MMP16: variants seen among roughly 807,000 people sequenced by gnomAD.
The protein encoded by MMP16 is matrix metallopeptidase 16, also known as matrix metalloproteinase-16.
Under a neutral mutation model 67.8 loss-of-function variants are expected in MMP16, and 12 were observed. That is an observed-to-expected ratio of 0.18 (90% CI 0.11 to 0.29). The LOEUF is 0.29. MMP16 is among the 10% of genes least tolerant of loss of function. The probability of loss-of-function intolerance (pLI) is 1.00; values close to 1 mark genes in which losing one functional copy is unlikely to be tolerated. For synonymous variants in MMP16, 249 were observed against 255.9 expected (o/e 0.97, Z 0.26); for missense variants, 475 against 765.7 (o/e 0.62, Z 4.48).
intron 4 of MMP16, among the ~76,000 whole-genome samples, chr8:88,162,598 C>T (rs1808647149): frequency 6.6e-6 from 1 of 152,006 alleles, no homozygotes; most frequent in African/African-American, 2.4e-5. Flanking sequence ...GTGGTACTGA[C>T]TGATAGGCAT....
intron 2 of MMP16, among the ~76,000 whole-genome samples, chr8:88,191,275 A>G (rs1161598149): frequency 6.6e-6 from 1 of 152,134 alleles, no homozygotes; most frequent in Non-Finnish European, 1.5e-5. Context: ...TTCTTTTTAT[A>G]CTTCGGTTTC....
Position 88,036,964 on chromosome 8 carries a change from TA to T in MMP16, c.*4496del, listed in dbSNP as rs942204276. ...TTTCTGGAAATGATTCCAAAAACTT[TA>T]AAATATATATTTTTTCATGACTCAG... is the stretch of plus-strand genomic sequence containing the variant. On this transcript the variant is annotated 3_prime_UTR_variant, in exon 10 of 10. Coordinates refer to ENST00000286614, the MANE Select transcript of MMP16 (RefSeq NM_005941.5). The T allele has an allele frequency of 4.0e-5, 6 of 151,626 alleles. No homozygotes were observed. The highest frequency in any genetic ancestry group is 1.5e-4 in the African/African-American group (6 of 41,342). 9.4% of individuals were successfully genotyped at this position (151,626 alleles called of 1,614,324 possible).
chr8:88,037,335 G>A lies in MMP16; in HGVS notation c.*4126C>T, dbSNP rs1191319823. The A allele has an allele frequency of 6.6e-6, 1 of 151,246 alleles. No homozygotes were observed. Among genetic ancestry groups the A allele is most frequent in the Non-Finnish European group, 1.5e-5 (1 of 67,696 alleles). 9.4% of individuals were successfully genotyped at this position (151,246 alleles called of 1,614,324 possible). A position where few individuals can be genotyped will look rare whatever the true frequency, so the allele number is the denominator to read the frequency against. On this transcript the variant is annotated 3_prime_UTR_variant, in exon 10 of 10. Transcript: ENST00000286614. ...TATGTGTTAACAAAAAAAGATTATA[G>A]GTAATTATTAAAGGTAACACTTGCT...
intron 6 of MMP16, among the ~76,000 whole-genome samples, chr8:88,110,398 C>T (rs1809313959): frequency 6.6e-6 from 1 of 151,516 alleles, no homozygotes; most frequent in South Asian, 2.1e-4. Flanking sequence ...TCCAGTTGCT[C>T]CCTAAAATGT....
chr8:88,131,268 T>TAC (rs111863181), intron 4 of MMP16, among the ~76,000 whole-genome samples: 60,138 of 146,778 alleles, frequency 0.41, 12,215 homozygotes, highest in East Asian at 0.47. Context: ...TATAGTATTA[T>TAC]ACACACACAC....
At chr8:88,274,615 T>C (rs1053079774) in intron 1 of MMP16, among the ~76,000 whole-genome samples, 1 of 151,972 alleles carries the variant, frequency 6.6e-6, no homozygotes, top group Non-Finnish European at 1.5e-5. Flanking sequence ...AAAGTTCAAC[T>C]AAAAAGAGAT....
chr8:88,183,080 T>C lies in MMP16; in HGVS notation c.404+3396A>G, dbSNP rs1809007332. ...GAAGAGGAGAGAAGGGATAAATAGG[T>C]GAAACACTGAATTTTTAGGGAAGGA... On this transcript the variant is annotated intron_variant, in intron 3 of 9. Coordinates refer to ENST00000286614, the MANE Select transcript of MMP16 (RefSeq NM_005941.5). Among the ~76,000 whole-genome samples, 6 of 151,814 alleles carry C rather than the reference T, an allele frequency of 4.0e-5. No individual in the cohort carries two copies. In the South Asian group the frequency reaches 1.2e-3, roughly 32 times the overall value.
intron 6 of MMP16, among the ~76,000 whole-genome samples, chr8:88,083,205 C>CCCAA (rs1808782224): frequency 6.6e-6 from 1 of 151,920 alleles, no homozygotes; most frequent in Admixed American, 6.6e-5. Context: ...TAAACACATA[C>CCCAA]ACAAACAGAA....
At chr8:88,153,111 C>T (rs1015384493) in intron 4 of MMP16, among the ~76,000 whole-genome samples, 93 of 140,172 alleles carry the variant, frequency 6.6e-4, no homozygotes, top group African/African-American at 2.3e-3. Context: ...AACTCCCATT[C>T]ACAATTGCTT....
intron 7 of MMP16, among the ~76,000 whole-genome samples, chr8:88,064,345 A>G (rs909347075): frequency 2.0e-5 from 3 of 152,140 alleles, no homozygotes; most frequent in Non-Finnish European, 4.4e-5. Context: ...ATATTCTTTG[A>G]GAAAACATCA....
At chr8:88,269,565 T>G (rs889916536) in intron 1 of MMP16, among the ~76,000 whole-genome samples, 2 of 152,194 alleles carry the variant, frequency 1.3e-5, no homozygotes, top group Non-Finnish European at 2.9e-5. Flanking sequence ...GATGGCTAGC[T>G]GGAATGCGTC....
intron 6 of MMP16, among the ~76,000 whole-genome samples, chr8:88,098,798 T>C (rs1809079365): frequency 6.6e-6 from 1 of 151,876 alleles, no homozygotes; most frequent in Non-Finnish European, 1.5e-5. Flanking sequence ...TGTAAGTATG[T>C]AAGAAAAGCC....
intron 6 of MMP16, among the ~76,000 whole-genome samples, chr8:88,077,641 G>C (rs967285730): frequency 6.6e-6 from 1 of 152,038 alleles, no homozygotes; most frequent in Non-Finnish European, 1.5e-5. Flanking sequence ...ACACATAATA[G>C]GTGCACAATA....
chr8:88,146,520 T>C (rs192126591), intron 4 of MMP16, among the ~76,000 whole-genome samples: 76 of 152,108 alleles, frequency 5.0e-4, no homozygotes, highest in African/African-American at 1.8e-3. Flanking sequence ...AAAAATGTCA[T>C]CATATTGTAT....
intron 9 of MMP16, 54 bp downstream of exon 9, chr8:88,046,615 A>C (rs942955560): frequency 6.2e-6 from 7 of 1,126,128 alleles, no homozygotes; most frequent in Non-Finnish European, 9.0e-6. Flanking sequence ...GAAAAAGCCT[A>C]ATGTGTTACT....
intron 2 of MMP16, among the ~76,000 whole-genome samples, chr8:88,193,025 A>G (rs188497545): frequency 3.9e-5 from 6 of 152,188 alleles, no homozygotes; most frequent in African/African-American, 1.4e-4. Flanking sequence ...AAATAGAACT[A>G]CCATATGATC....
At chr8:88,056,034 T>C in intron 8 of MMP16, 94 bp downstream of exon 8, 1 of 976,502 alleles carries the variant, frequency 1.0e-6, no homozygotes, top group Non-Finnish European at 1.4e-6. Context: ...TCCACCAGGA[T>C]TCTTCAACAG....
intron 4 of MMP16, among the ~76,000 whole-genome samples, chr8:88,139,654 GCATT>G (rs1808179199): frequency 1.3e-5 from 2 of 151,974 alleles, no homozygotes; most frequent in Admixed American, 1.3e-4. Flanking sequence ...AAAGTTAATA[GCATT>G]CAATTTTTAT....
rs71277991 is a variant in MMP16, at chr8:88,262,846, CAAAAAAAAAAAAAA to C, written c.132+64215_132+64228del. Reference sequence around the variant, plus strand: ...TGAAACCCCGTCTCTACTAAAAATACAAAAAAAAAAAAAAAAAAAAAAAAAAAAATTAGCCGAGC... The same window carrying C: ...TGAAACCCCGTCTCTACTAAAAATACAAAAAAAAAAAAAAATTAGCCGAGC... On this transcript the variant is annotated intron_variant, in intron 1 of 9. Coordinates refer to ENST00000286614, the MANE Select transcript of MMP16 (RefSeq NM_005941.5). Among the ~76,000 whole-genome samples the C allele has an allele frequency of 1.5e-3, 81 of 53,472 alleles. 1 individual carries two copies. The East Asian group carries it at 0.016, about 11-fold the overall frequency. 35.1% of individuals were successfully genotyped at this position (53,472 alleles called of 152,430 possible).
Sources: gnomAD v4.1 joint callset for allele counts (sites outside exome capture counted in the v4.1 genomes callset) on GRCh38, gnomAD v4.1.1 for gene constraint, MANE v1.5 for transcripts, NCBI Gene and HGNC (gene_info 2026-07-23, HGNC 2026-07-21) for gene names.